The following MYOZ3 variants were observed in gnomAD, a reference collection of about 807,000 sequenced individuals.
The protein encoded by MYOZ3 is myozenin-3.
In MYOZ3, 19 loss-of-function variants were observed where a neutral mutation model predicts 26.5. That is an observed-to-expected ratio of 0.72 (90% CI 0.50 to 1.05). The LOEUF is 1.05. Among genes scored for constraint, MYOZ3 ranks in the 50% least tolerant of loss-of-function variants. The pLI is 0.00. For missense variants in MYOZ3, 322 were observed against 337.1 expected (o/e 0.96, Z 0.35); for synonymous variants, 135 against 138.8 (o/e 0.97, Z 0.19).
At chr5:150,666,001 C>T (rs1168240145) in intron 2 of MYOZ3, among the ~76,000 whole-genome samples, 1 of 148,496 alleles carries the variant, frequency 6.7e-6, no homozygotes, top group African/African-American at 2.5e-5. Context: ...TGCCATTGCA[C>T]TCCAGCCTGG....
At chr5:150,663,500 G>A (rs568490030) in intron 2 of MYOZ3, among the ~76,000 whole-genome samples, 79 of 152,144 alleles carry the variant, frequency 5.2e-4, no homozygotes, top group Non-Finnish European at 1.0e-3. Context: ...AGTGGAGCAG[G>A]GTGGGAAGAG....
intron 2 of MYOZ3, among the ~76,000 whole-genome samples, chr5:150,669,395 C>T (rs1251963915): frequency 2.0e-5 from 3 of 149,510 alleles, no homozygotes; most frequent in Non-Finnish European, 3.0e-5. Context: ...TGCAGCGAGC[C>T]GAGATTGTGC....
chr5:150,670,414 C>G lies in MYOZ3; in HGVS notation c.62-70C>G, dbSNP rs560628156. On this transcript the variant is annotated intron_variant, in intron 2 of 6. Coordinates refer to ENST00000517768, the MANE Select transcript of MYOZ3 (RefSeq NM_001122853.3). Reference sequence around the variant, plus strand: ...GCATTCTTACACACAGCATGCCATGCTTCGAGAGGTGGGGCCTGGAGTGTA... The same window carrying G: ...GCATTCTTACACACAGCATGCCATGGTTCGAGAGGTGGGGCCTGGAGTGTA... 6.9e-6 allele frequency: 10 copies of G among 1,440,424 alleles called. No individual in the cohort carries two copies. The African/African-American group carries it at 1.3e-4, about 19-fold the overall frequency. 89.2% of individuals were successfully genotyped at this position (1,440,424 alleles called of 1,614,324 possible).
intron 2 of MYOZ3, among the ~76,000 whole-genome samples, chr5:150,666,628 A>ATATATAT (rs1308366694): frequency 7.5e-6 from 1 of 133,134 alleles, no homozygotes; most frequent in East Asian, 2.1e-4. Flanking sequence ...AAAAAAAAAA[A>ATATATAT]AAATATATAT....
intron 2 of MYOZ3, among the ~76,000 whole-genome samples, chr5:150,663,406 G>C (rs1758764530): frequency 1.3e-5 from 2 of 152,174 alleles, no homozygotes; most frequent in African/African-American, 2.4e-5. Context: ...GAGGCCTCTG[G>C]GTGGCCCAGG....
chr5:150,674,775 C>T lies in MYOZ3; in HGVS notation c.588-1932C>T, dbSNP rs1358654128. Among the ~76,000 whole-genome samples, 4 of 152,114 alleles carry T rather than the reference C, an allele frequency of 2.6e-5. No individual in the cohort carries two copies. In the South Asian group the frequency reaches 8.3e-4, roughly 32 times the overall value. Reference sequence around the variant, plus strand: ...TGCCTGTAATCCCACTTTGGGAGGCCGAGGGAGGCGGATCACTTGAGGTCA... The same window carrying T: ...TGCCTGTAATCCCACTTTGGGAGGCTGAGGGAGGCGGATCACTTGAGGTCA... On this transcript the variant is annotated intron_variant, in intron 6 of 6. Transcript: ENST00000517768.
At chr5:150,672,570 G>C (rs1758938608) in intron 6 of MYOZ3, 68 bp downstream of exon 6, 1 of 1,498,326 alleles carries the variant, frequency 6.7e-7, no homozygotes, top group Non-Finnish European at 8.9e-7. Context: ...GCCACAGCGG[G>C]AGCCTGCGTT....
intron 2 of MYOZ3, among the ~76,000 whole-genome samples, chr5:150,668,362 GCTCTGTTAGT>G (rs1346054397): frequency 6.6e-6 from 1 of 152,120 alleles, no homozygotes; most frequent in African/African-American, 2.4e-5. Flanking sequence ...GCAGCACTTG[GCTCTGTTAGT>G]CTCTCTATCA....
chr5:150,661,979 G>C (rs746841559), intron 1 of MYOZ3, among the ~76,000 whole-genome samples: 1 of 152,192 alleles, frequency 6.6e-6, no homozygotes, highest in Non-Finnish European at 1.5e-5. Flanking sequence ...TGCAGAGCTG[G>C]AAAGCTACTT....
rs1758888595 is a variant in MYOZ3, at chr5:150,670,568, CCCT to C, written c.151_153del (p.Leu51del). On this transcript the variant is annotated inframe_deletion, in exon 3 of 7. Coordinates refer to ENST00000517768, the MANE Select transcript of MYOZ3 (RefSeq NM_001122853.3). The stretch of plus-strand genomic sequence containing the variant: ...CTGTCACTACGCAACAACAGAGGGT[CCCT>C]CCTCTTCCAGAAGAGGCAGCGCCGT... The C allele has an allele frequency of 6.2e-7, 1 of 1,613,088 alleles. No individual in the cohort carries two copies. Among genetic ancestry groups the C allele is most frequent in the South Asian group, 1.1e-5 (1 of 90,904 alleles).
In MYOZ3 at chr5:150,662,986, G is replaced by T. The variant is rs1561667645; in HGVS notation, c.45G>T (p.Gly15=). ...AGGGGCCAGTGATGGCTGCCATGGG[G>T]GACCTCACTGAACCAGGTAAGGTGG... ...EQKGPVMAAM[G]DLTEPVPTLD... The change falls in exon 2 of 7, where the codon GGG becomes GGT. Residue 15 remains glycine, a synonymous_variant. Transcript: ENST00000517768. 6.2e-7 allele frequency: 1 copy of T among 1,611,690 alleles called. No individual in the cohort carries two copies. The highest frequency in any genetic ancestry group is 8.5e-7 in the Non-Finnish European group (1 of 1,178,932).
chr5:150,669,633 CTTTTTTTTTT>C (rs532402882), intron 2 of MYOZ3, among the ~76,000 whole-genome samples: 28 of 47,748 alleles, frequency 5.9e-4, no homozygotes, highest in Middle Eastern at 0.017. Context: ...CCCATATATG[CTTTTTTTTTT>C]TTTTTTTTTT....
chr5:150,665,212 C>G (rs1027465156), intron 2 of MYOZ3, among the ~76,000 whole-genome samples: 1 of 152,114 alleles, frequency 6.6e-6, no homozygotes, highest in Non-Finnish European at 1.5e-5. Flanking sequence ...TGAGAACGTG[C>G]TCTCGGAAGG....
intron 1 of MYOZ3, 61 bp from the exon 2 acceptor site, chr5:150,662,879 GA>G: frequency 6.9e-7 from 1 of 1,459,502 alleles, no homozygotes; most frequent in Non-Finnish European, 9.6e-7. Flanking sequence ...CCAGAGACTG[GA>G]AGGAGGTCTG....
At position 150,672,323 on chromosome 5, in the gene MYOZ3, TC is replaced by T. The variant is rs747487995; in HGVS notation, c.425-11del. The T allele has an allele frequency of 5.7e-6, 9 of 1,583,496 alleles. No individual in the cohort carries two copies. The highest frequency in any genetic ancestry group is 1.8e-5 in the Admixed American group (1 of 54,812). On this transcript the variant is annotated splice_polypyrimidine_tract_variant and intron_variant, in intron 5 of 6. Transcript: ENST00000517768. ...GGGTGGAAGAACGGAGGCGCTCCCTTCCCCCCGCGCCCCTAGGCTATGCGGA... is the reference window on the plus strand; with the variant it reads ...GGGTGGAAGAACGGAGGCGCTCCCTTCCCCCGCGCCCCTAGGCTATGCGGA...
chr5:150,664,934 T>A (rs748745572), intron 2 of MYOZ3, among the ~76,000 whole-genome samples: 1 of 152,234 alleles, frequency 6.6e-6, no homozygotes, highest in Non-Finnish European at 1.5e-5. Context: ...CATATTTATG[T>A]AAATTCTTGT....
intron 6 of MYOZ3, among the ~76,000 whole-genome samples, chr5:150,676,455 A>G (rs958786838): frequency 1.3e-5 from 2 of 150,314 alleles, no homozygotes; most frequent in Non-Finnish European, 2.9e-5. Flanking sequence ...GAGGCAGGAG[A>G]ATTGATTGAA....
intron 2 of MYOZ3, among the ~76,000 whole-genome samples, chr5:150,669,433 C>CAA (rs549895306): frequency 7.1e-4 from 95 of 134,334 alleles, no homozygotes; most frequent in African/African-American, 2.3e-3. Flanking sequence ...GGTGACATCT[C>CAA]AAAAAAAAAA....
intron 2 of MYOZ3, chr5:150,670,190 C>T (rs1216364890): frequency 7.8e-6 from 2 of 256,252 alleles, no homozygotes; most frequent in Admixed American, 1.1e-4. Flanking sequence ...CTCACTACCT[C>T]CACCATTATG....
Sources: allele counts gnomAD v4.1 joint callset (sites outside exome capture counted in the v4.1 genomes callset), GRCh38; gene constraint gnomAD v4.1.1; transcripts MANE v1.5; gene names NCBI Gene and HGNC (gene_info 2026-07-23, HGNC 2026-07-21).